ATP8A2: variants seen among roughly 807,000 people sequenced by gnomAD.
The protein encoded by ATP8A2 is ATPase phospholipid transporting 8A2.
Under a neutral mutation model 165.6 loss-of-function variants are expected in ATP8A2, and 100 were observed. That is an observed-to-expected ratio of 0.60 (90% CI 0.51 to 0.71). The LOEUF (loss-of-function observed/expected upper bound fraction) is 0.71, where lower values mean the gene tolerates loss of function less well. ATP8A2 is among the 30% of genes least tolerant of loss of function. The pLI, the probability that ATP8A2 is intolerant of heterozygous loss-of-function variation, is 0.00. For missense variants in ATP8A2, 1,227 were observed against 1,479.5 expected (o/e 0.83, Z 2.80); for synonymous variants, 543 against 548.8 (o/e 0.99, Z 0.15).
rs79591838 is a variant in ATP8A2 at position 25,713,484 on chromosome 13, G to A, written c.2384+14139G>A. ...TTGGTGCTACAGCTTTCATGTAGAC[G>A]TTCTGCAGGAAAAAACCAGAAAGCT... is the stretch of plus-strand genomic sequence containing the variant. On this transcript the variant is annotated intron_variant, in intron 25 of 36. Transcript: ENST00000381655. 3.4e-3 allele frequency among the ~76,000 whole-genome samples: 510 copies of A among 152,204 alleles called. 5 individuals are homozygous for A. The highest frequency in any genetic ancestry group is 0.012 in the African/African-American group (488 of 41,538).
chr13:25,890,424 A>G lies in ATP8A2; in HGVS notation c.3183+28016A>G, dbSNP rs529948129. Among the ~76,000 whole-genome samples the G allele has an allele frequency of 3.3e-5, 5 of 152,358 alleles. No homozygotes were observed. The South Asian group carries it at 8.3e-4, about 25-fold the overall frequency. On this transcript the variant is annotated intron_variant, in intron 33 of 36. Coordinates refer to ENST00000381655, the MANE Select transcript of ATP8A2 (RefSeq NM_016529.6). The stretch of plus-strand genomic sequence containing the variant: ...CATCAGTTAAAAGTTCTTAATTTCT[A>G]TATCAATTTTAGAATTGTGTTCTAA...
chr13:25,516,979 C>G (rs1423207138), intron 2 of ATP8A2: 1 of 151,854 alleles, frequency 6.6e-6, no homozygotes, highest in East Asian at 1.9e-4. Context: ...CAGGGTTTCA[C>G]CATGTGGGTC....
At position 25,978,796 on chromosome 13, in the gene ATP8A2, C is replaced by T. The variant is rs1458033665; in HGVS notation, c.3377+10117C>T. ...TCTACTAAAAATACAAAAAATTAGC[C>T]GGGCTTGGTGGCGGGCGCCTGTAGT... On this transcript the variant is annotated intron_variant, in intron 35 of 36. Coordinates refer to ENST00000381655, the MANE Select transcript of ATP8A2 (RefSeq NM_016529.6). Among the ~76,000 whole-genome samples the T allele has an allele frequency of 4.6e-5, 7 of 152,222 alleles. No individual in the cohort carries two copies. In the South Asian group the frequency reaches 1.0e-3, roughly 23 times the overall value.
rs1418107522 is a variant in ATP8A2 at position 25,862,412 on chromosome 13, A to G, written c.3183+4A>G. 6.2e-7 allele frequency: 1 copy of G among 1,604,222 alleles called. No homozygotes were observed. Among genetic ancestry groups the G allele is most frequent in the Non-Finnish European group, 8.5e-7 (1 of 1,171,218 alleles). On this transcript the variant is annotated splice_donor_region_variant and intron_variant, in intron 33 of 36. Coordinates refer to ENST00000381655, the MANE Select transcript of ATP8A2 (RefSeq NM_016529.6). ...TGCTCCAGATATGAGAGGACAGGTA[A>G]GTACTCCTGATTGGGAGTGTGTCTT...
chr13:25,902,364 A>G lies in ATP8A2; in HGVS notation c.3183+39956A>G, dbSNP rs148818093. Reference sequence around the variant, plus strand: ...GGAAACACTGGACATTTTTCTATATAAGCAGATTGGGTTATTTGTCCAAAT... The same window carrying G: ...GGAAACACTGGACATTTTTCTATATGAGCAGATTGGGTTATTTGTCCAAAT... On this transcript the variant is annotated intron_variant, in intron 33 of 36. Transcript: ENST00000381655. Among the ~76,000 whole-genome samples the G allele has an allele frequency of 5.7e-3, 870 of 152,288 alleles. 7 individuals are homozygous for G. Among genetic ancestry groups the G allele is most frequent in the Non-Finnish European group, 5.9e-3 (398 of 68,032 alleles).
chr13:25,468,599 T>G (rs2035736409), intron 1 of ATP8A2, among the ~76,000 whole-genome samples: 1 of 152,162 alleles, frequency 6.6e-6, no homozygotes, highest in African/African-American at 2.4e-5. Flanking sequence ...GGGGTGCCGC[T>G]GGCCTTGGCG....
intron 33 of ATP8A2, among the ~76,000 whole-genome samples, chr13:25,886,294 T>C (rs1230598206): frequency 6.6e-6 from 1 of 152,196 alleles, no homozygotes; most frequent in African/African-American, 2.4e-5. Flanking sequence ...GAATAGCGTA[T>C]TTGTTGCTGG....
intron 2 of ATP8A2, among the ~76,000 whole-genome samples, chr13:25,512,749 T>C (rs1593433361): frequency 8.3e-6 from 1 of 121,008 alleles, no homozygotes; most frequent in Non-Finnish European, 1.7e-5. Flanking sequence ...CCCCCCCACC[T>C]CCCTCCCGGA....
intron 2 of ATP8A2, among the ~76,000 whole-genome samples, chr13:25,516,867 G>A (rs547636840): frequency 8.1e-5 from 12 of 148,646 alleles, no homozygotes; most frequent in Non-Finnish European, 1.0e-4. Flanking sequence ...TGCAACCTCC[G>A]CTTTCTGGGT....
At chr13:25,940,245 G>A (rs544516819) in intron 33 of ATP8A2, among the ~76,000 whole-genome samples, 2 of 152,074 alleles carry the variant, frequency 1.3e-5, no homozygotes, top group East Asian at 3.9e-4. Flanking sequence ...TGGCTCTTCA[G>A]CGTCCTCCTC....
intron 33 of ATP8A2, among the ~76,000 whole-genome samples, chr13:25,881,402 T>A (rs1952974590): frequency 6.6e-6 from 1 of 152,216 alleles, no homozygotes; most frequent in Non-Finnish European, 1.5e-5. Context: ...GTGGGGTTGC[T>A]TTTGCTTTTT....
At chr13:25,457,102 G>T (rs143932664) in intron 1 of ATP8A2, among the ~76,000 whole-genome samples, 1,633 of 152,292 alleles carry the variant, frequency 0.011, 22 homozygotes, top group African/African-American at 0.035. Context: ...GGACAAGCTT[G>T]CTCTAGAATA....
In ATP8A2 at chr13:25,435,952, AGTGTGTGTGTGT is replaced by A. The variant is rs1448353061; in HGVS notation, c.77-33016_77-33005del. Among the ~76,000 whole-genome samples, 4 of 40,676 alleles carry A rather than the reference AGTGTGTGTGTGT, an allele frequency of 9.8e-5. No individual in the cohort carries two copies. In the East Asian group the frequency reaches 0.019, roughly 190 times the overall value. The allele number at this position is 40,676 out of a possible 152,430, so 26.7% of individuals were successfully genotyped here. A position where few individuals can be genotyped will look rare whatever the true frequency, so the allele number is the denominator to read the frequency against. ...GTGTGAGTGTGTGTGTGTGTGTGTG[AGTGTGTGTGTGT>A]GTGTGTGTATGTGTGTGTGAGTGTG... On this transcript the variant is annotated intron_variant, in intron 1 of 36. Coordinates refer to ENST00000381655, the MANE Select transcript of ATP8A2 (RefSeq NM_016529.6).
chr13:25,800,311 C>G (rs1265209889), intron 27 of ATP8A2, among the ~76,000 whole-genome samples: 1 of 152,198 alleles, frequency 6.6e-6, no homozygotes, highest in Non-Finnish European at 1.5e-5. Flanking sequence ...GTACCAGGAA[C>G]CTGTGCAGAC....
intron 2 of ATP8A2, among the ~76,000 whole-genome samples, chr13:25,513,826 G>A (rs1016951282): frequency 3.9e-5 from 6 of 152,208 alleles, no homozygotes; most frequent in Non-Finnish European, 7.3e-5. Flanking sequence ...GCGTGGCGGC[G>A]CGCGCCTGCA....
intron 33 of ATP8A2, among the ~76,000 whole-genome samples, chr13:25,876,185 G>A (rs541147826): frequency 4.6e-4 from 70 of 152,292 alleles, no homozygotes; most frequent in Admixed American, 2.4e-3. Context: ...ATCAGGGGGT[G>A]GGTGCTCCAA....
At chr13:25,847,372 C>T (rs1951891744) in intron 30 of ATP8A2, among the ~76,000 whole-genome samples, 1 of 152,218 alleles carries the variant, frequency 6.6e-6, no homozygotes, top group African/African-American at 2.4e-5. Context: ...AAAGCTCTGA[C>T]TTTAGCTGTT....
intron 35 of ATP8A2, among the ~76,000 whole-genome samples, chr13:25,993,429 G>GT (rs1205620392): frequency 2.0e-5 from 3 of 152,176 alleles, no homozygotes; most frequent in Admixed American, 2.0e-4. Flanking sequence ...GAAATAAAGG[G>GT]TATTCAATTA....
At chr13:25,376,538 A>G (rs1484493654) in intron 1 of ATP8A2, among the ~76,000 whole-genome samples, 1 of 152,224 alleles carries the variant, frequency 6.6e-6, no homozygotes, top group African/African-American at 2.4e-5. Context: ...AGATTCATTT[A>G]CCTCTGTTAC....
Sources: allele counts gnomAD v4.1 joint callset (sites outside exome capture counted in the v4.1 genomes callset), GRCh38; gene constraint gnomAD v4.1.1; transcripts MANE v1.5; gene names NCBI Gene and HGNC (gene_info 2026-07-23, HGNC 2026-07-21).